Variants in E2F3 observed in about 807,000 individuals in gnomAD.
The protein encoded by E2F3 is transcription factor E2F3.
In E2F3, 11 loss-of-function variants were observed where a neutral mutation model predicts 44.4. The observed-to-expected ratio is 0.25, with a 90% confidence interval of 0.16 to 0.41. The LOEUF (loss-of-function observed/expected upper bound fraction) is 0.41. E2F3 is among the 10% of genes least tolerant of loss of function. The pLI is 1.00. For synonymous variants in E2F3, 249 were observed against 253.0 expected (o/e 0.98, Z 0.15); for missense variants, 487 against 583.6 (o/e 0.83, Z 1.70).
chr6:20,442,021 A>AGTTTGCTCAACAG (rs1326642409), intron 1 of E2F3, among the ~76,000 whole-genome samples: 1 of 150,160 alleles, frequency 6.7e-6, no homozygotes, highest in African/African-American at 2.5e-5. Flanking sequence ...GCTAACCAGC[A>AGTTTGCTCAACAG]GTTTGCTCAA....
chr6:20,482,599 A>AAAAT lies in E2F3; in HGVS notation c.726-162_726-161insAATA, dbSNP rs1177675969. Among the ~76,000 whole-genome samples the AAAAT allele has an allele frequency of 7.8e-3, 1,054 of 134,464 alleles. 7 individuals are homozygous for AAAAT. Among genetic ancestry groups the AAAAT allele is most frequent in the South Asian group, 0.046 (202 of 4,348 alleles). The allele number at this position is 134,464 out of a possible 152,430, so 88.2% of individuals were successfully genotyped here. Reference sequence around the variant, plus strand: ...GCAGAACTGTATTTATGAAAAAAAAAATATATATATATATATATATATGTG... The same window carrying AAAAT: ...GCAGAACTGTATTTATGAAAAAAAAAAAATATATATATATATATATATATATGTG... On this transcript the variant is annotated intron_variant, in intron 3 of 6. Coordinates refer to ENST00000346618, the MANE Select transcript of E2F3 (RefSeq NM_001949.5).
At chr6:20,457,786 T>C (rs1402132510) in intron 1 of E2F3, among the ~76,000 whole-genome samples, 6 of 152,214 alleles carry the variant, frequency 3.9e-5, no homozygotes, top group Non-Finnish European at 5.9e-5. Flanking sequence ...TAGTTTGTTA[T>C]TGACTTTATC....
At chr6:20,418,166 C>T (rs530974312) in intron 1 of E2F3, among the ~76,000 whole-genome samples, 52 of 152,294 alleles carry the variant, frequency 3.4e-4, no homozygotes, top group African/African-American at 1.3e-3. Context: ...TCTTCTTTTC[C>T]AAATCCAGCA....
At chr6:20,479,096 T>G (rs568205895) in intron 1 of E2F3, among the ~76,000 whole-genome samples, 87 of 152,358 alleles carry the variant, frequency 5.7e-4, no homozygotes, top group African/African-American at 1.9e-3. Flanking sequence ...TAAGGGCTTC[T>G]CATTTGCTAG....
chr6:20,459,654 T>C (rs1010172127), intron 1 of E2F3, among the ~76,000 whole-genome samples: 4 of 152,188 alleles, frequency 2.6e-5, no homozygotes, highest in Admixed American at 6.5e-5. Context: ...TTTTGTTTCC[T>C]TTTGAAAATC....
At chr6:20,438,686 G>A (rs1760673050) in intron 1 of E2F3, among the ~76,000 whole-genome samples, 1 of 152,120 alleles carries the variant, frequency 6.6e-6, no homozygotes, top group African/African-American at 2.4e-5. Flanking sequence ...AGATTGGAAG[G>A]GAATCTGGTA....
intron 1 of E2F3, among the ~76,000 whole-genome samples, chr6:20,458,527 A>G (rs1761391307): frequency 6.6e-6 from 1 of 152,106 alleles, no homozygotes; most frequent in African/African-American, 2.4e-5. Context: ...TTGCCGGTGG[A>G]CCTTGGAGAT....
At chr6:20,409,835 C>A (rs1034789701) in intron 1 of E2F3, among the ~76,000 whole-genome samples, 2 of 152,188 alleles carry the variant, frequency 1.3e-5, no homozygotes, top group African/African-American at 4.8e-5. Context: ...TCGTTAGGGG[C>A]AGCGATATAT....
At chr6:20,473,980 A>G (rs1263679999) in intron 1 of E2F3, among the ~76,000 whole-genome samples, 1 of 152,206 alleles carries the variant, frequency 6.6e-6, no homozygotes, top group African/African-American at 2.4e-5. Flanking sequence ...AATAGAAACT[A>G]AGAACATCAG....
intron 2 of E2F3, 34 bp from the exon 3 acceptor site, chr6:20,481,172 T>C: frequency 6.2e-7 from 1 of 1,603,402 alleles, no homozygotes; most frequent in Non-Finnish European, 8.5e-7. Context: ...TTTCCCCCTA[T>C]CCCCCACCCG....
chr6:20,412,290 A>T (rs1352852912), intron 1 of E2F3, among the ~76,000 whole-genome samples: 1 of 152,154 alleles, frequency 6.6e-6, no homozygotes, highest in Non-Finnish European at 1.5e-5. Context: ...TGAATCTCCC[A>T]GGGCGCTTTT....
At chr6:20,486,492 T>G (rs1762397168) in intron 4 of E2F3, among the ~76,000 whole-genome samples, 197 bp from the exon 5 acceptor site, 1 of 152,186 alleles carries the variant, frequency 6.6e-6, no homozygotes, top group South Asian at 2.1e-4. Context: ...CAGGTTGGTC[T>G]CCATCTCCTG....
chr6:20,483,068 TGC>T, intron 4 of E2F3, 148 bp downstream of exon 4: 1 of 1,155,548 alleles, frequency 8.7e-7, no homozygotes, highest in Non-Finnish European at 1.2e-6. Context: ...TGTGTGTGTG[TGC>T]ACGTGTGTGT....
intron 5 of E2F3, 76 bp downstream of exon 5, chr6:20,486,879 A>G: frequency 1.1e-6 from 1 of 930,572 alleles, no homozygotes; most frequent in Non-Finnish European, 1.7e-6. Flanking sequence ...ATTGACTCAT[A>G]GTTAAAGTCT....
intron 1 of E2F3, among the ~76,000 whole-genome samples, chr6:20,466,482 T>A (rs1223620671): frequency 1.3e-5 from 2 of 152,210 alleles, no homozygotes; most frequent in African/African-American, 4.8e-5. Flanking sequence ...TGGTTTTGAT[T>A]TGCATTTCCC....
chr6:20,409,420 C>A (rs533970424), intron 1 of E2F3, among the ~76,000 whole-genome samples: 66 of 152,156 alleles, frequency 4.3e-4, no homozygotes, highest in Non-Finnish European at 7.9e-4. Context: ...TATATCAATT[C>A]TGTTGCTCAA....
At chr6:20,454,656 T>A (rs1192631597) in intron 1 of E2F3, among the ~76,000 whole-genome samples, 1 of 152,220 alleles carries the variant, frequency 6.6e-6, no homozygotes, top group Non-Finnish European at 1.5e-5. Flanking sequence ...TAAGGAGTTT[T>A]GTAGCGTTGA....
chr6:20,438,645 ACAAAC>A (rs1344005161), intron 1 of E2F3, among the ~76,000 whole-genome samples: 10 of 152,168 alleles, frequency 6.6e-5, no homozygotes, highest in Admixed American at 5.9e-4. Context: ...CCACCTTAAA[ACAAAC>A]CACCTAAGCA....
intron 1 of E2F3, among the ~76,000 whole-genome samples, chr6:20,458,420 T>C (rs974106056): frequency 6.6e-6 from 1 of 152,096 alleles, no homozygotes; most frequent in African/African-American, 2.4e-5. Context: ...CCTACCAGAG[T>C]TGGTTGCTCT....
Sources: allele counts gnomAD v4.1 joint callset (sites outside exome capture counted in the v4.1 genomes callset), GRCh38; gene constraint gnomAD v4.1.1; transcripts MANE v1.5; gene names NCBI Gene and HGNC (gene_info 2026-07-23, HGNC 2026-07-21).